The following LTBP1 variants were observed in gnomAD, a reference collection of about 807,000 sequenced individuals.
The protein encoded by LTBP1 is latent-transforming growth factor beta-binding protein 1.
In LTBP1, 129 loss-of-function variants were observed where a neutral mutation model predicts 207.6. The observed-to-expected ratio is 0.62, with a 90% CI of 0.54 to 0.72. The LOEUF is 0.72. Ranked by LOEUF, LTBP1 falls within the 30% of genes least tolerant of loss-of-function variation. The pLI is 0.00. For synonymous variants in LTBP1, 963 were observed against 833.7 expected (o/e 1.16, Z -2.67); for missense variants, 2,281 against 2,217.2 (o/e 1.03, Z -0.58).
intron 31 of LTBP1, among the ~76,000 whole-genome samples, chr2:33,385,555 G>A (rs997889323): frequency 6.6e-6 from 1 of 152,174 alleles, no homozygotes; most frequent in African/African-American, 2.4e-5. Context: ...TAACACAGAT[G>A]TAGTCAAACA....
chr2:32,978,450 A>G (rs1682180541), intron 2 of LTBP1, among the ~76,000 whole-genome samples: 1 of 152,284 alleles, frequency 6.6e-6, no homozygotes, highest in Admixed American at 6.5e-5. Context: ...TTCAGCACCA[A>G]TTGAAATGAT....
chr2:33,346,161 T>C (rs1231581404), intron 25 of LTBP1, among the ~76,000 whole-genome samples: 1 of 152,226 alleles, frequency 6.6e-6, no homozygotes, highest in Non-Finnish European at 1.5e-5. Flanking sequence ...GATTAGTTAT[T>C]GGACCAATTT....
At chr2:33,084,534 C>T (rs148408031) in intron 3 of LTBP1, among the ~76,000 whole-genome samples, 1 of 152,178 alleles carries the variant, frequency 6.6e-6, no homozygotes, top group East Asian at 1.9e-4. Context: ...AGCCTGCAGG[C>T]AAGTGGATCA....
chr2:33,335,982 G>A, intron 24 of LTBP1, among the ~76,000 whole-genome samples: 1 of 152,066 alleles, frequency 6.6e-6, no homozygotes, highest in Admixed American at 6.5e-5. Context: ...CTAAGTCCTG[G>A]GACCTCCTGA....
chr2:32,959,787 A>G (rs943150073), intron 2 of LTBP1, among the ~76,000 whole-genome samples: 1 of 150,766 alleles, frequency 6.6e-6, no homozygotes, highest in African/African-American at 2.4e-5. Context: ...CACCTGGCTA[A>G]TTTTTATATT....
chr2:33,103,632 T>TGTGTGTGTGTGTGTGTGTG (rs200334066), intron 3 of LTBP1, among the ~76,000 whole-genome samples: 2 of 149,402 alleles, frequency 1.3e-5, no homozygotes, highest in African/African-American at 4.9e-5. Flanking sequence ...TGTGTGAGTG[T>TGTGTGTGTGTGTGTGTGTG]TATGCTGCCA....
intron 3 of LTBP1, among the ~76,000 whole-genome samples, chr2:33,077,295 C>CTGAT: frequency 6.6e-6 from 1 of 152,314 alleles, no homozygotes; most frequent in East Asian, 1.9e-4. Flanking sequence ...TCTCCATTTA[C>CTGAT]TGATTTGCTT....
intron 9 of LTBP1, among the ~76,000 whole-genome samples, chr2:33,227,961 T>A (rs11693247): frequency 0.022 from 3,307 of 151,978 alleles, 56 homozygotes; most frequent in Non-Finnish European, 0.035. Context: ...CGCACCACCA[T>A]GCCTGGCTAC....
At chr2:33,156,122 C>T (rs1430057112) in intron 5 of LTBP1, among the ~76,000 whole-genome samples, 5 of 152,248 alleles carry the variant, frequency 3.3e-5, no homozygotes, top group East Asian at 1.9e-4. Flanking sequence ...CAGAGCCCTG[C>T]GTGATCAGGA....
intron 4 of LTBP1, among the ~76,000 whole-genome samples, chr2:33,121,060 G>A (rs59196419): frequency 6.7e-6 from 1 of 150,366 alleles, no homozygotes; most frequent in African/African-American, 2.4e-5. Flanking sequence ...TTTCTCATTA[G>A]ATCCACTTTC....
At chr2:33,370,589 A>G (rs2095055928) in intron 31 of LTBP1, among the ~76,000 whole-genome samples, 1 of 152,208 alleles carries the variant, frequency 6.6e-6, no homozygotes, top group South Asian at 2.1e-4. Context: ...GCTGGTAGTT[A>G]TCTATCATAA....
At chr2:33,286,139 C>T (rs1014050794) in intron 19 of LTBP1, among the ~76,000 whole-genome samples, 2 of 152,134 alleles carry the variant, frequency 1.3e-5, no homozygotes, top group Admixed American at 6.6e-5. Context: ...ACTTGAGACC[C>T]GGTAACACAA....
At chr2:33,157,289 G>A (rs1319477016) in intron 5 of LTBP1, among the ~76,000 whole-genome samples, 1 of 152,086 alleles carries the variant, frequency 6.6e-6, no homozygotes, top group Non-Finnish European at 1.5e-5. Flanking sequence ...TTTGAAGGCT[G>A]TAAGCAGTTA....
intron 2 of LTBP1, among the ~76,000 whole-genome samples, chr2:33,002,477 A>G (rs182005459): frequency 1.3e-5 from 2 of 152,290 alleles, no homozygotes; most frequent in African/African-American, 4.8e-5. Flanking sequence ...GCTGCTAGGC[A>G]TTGTCTGGGA....
intron 7 of LTBP1, among the ~76,000 whole-genome samples, chr2:33,215,587 G>A (rs1197008658): frequency 3.3e-5 from 5 of 152,102 alleles, no homozygotes; most frequent in Admixed American, 6.6e-5. Context: ...TGCCCCTGGA[G>A]GCCTGCCAGG....
chr2:33,140,213 G>A (rs2082524380), intron 5 of LTBP1, among the ~76,000 whole-genome samples: 1 of 152,140 alleles, frequency 6.6e-6, no homozygotes. Flanking sequence ...GACTGTGTAG[G>A]TTCTCCTCAC....
At position 33,396,489 on chromosome 2, in the gene LTBP1, T is replaced by C. The variant is rs529144485; in HGVS notation, c.4835-644T>C. ...TGCCCGCCTCAGCCTCCCAAAGTGC[T>C]GGGATTATAGGCATGAGCCCAGACT... is the stretch of plus-strand genomic sequence containing the variant. On this transcript the variant is annotated intron_variant, in intron 32 of 33. Transcript: ENST00000404816. Among the ~76,000 whole-genome samples the C allele has an allele frequency of 1.6e-4, 25 of 152,366 alleles. No homozygotes were observed. The South Asian group carries it at 2.9e-3, about 18-fold the overall frequency.
At chr2:33,175,126 G>A (rs1478665668) in intron 5 of LTBP1, among the ~76,000 whole-genome samples, 1 of 151,750 alleles carries the variant, frequency 6.6e-6, no homozygotes, top group Non-Finnish European at 1.5e-5. Flanking sequence ...AACACCAAAA[G>A]CAATGGCAAC....
chr2:33,335,621 C>T (rs765098483), intron 24 of LTBP1, among the ~76,000 whole-genome samples: 19 of 152,130 alleles, frequency 1.2e-4, no homozygotes, highest in African/African-American at 2.9e-4. Flanking sequence ...GCTCATCTTC[C>T]GCTTAATGCT....
Sources: allele counts gnomAD v4.1 joint callset (sites outside exome capture counted in the v4.1 genomes callset), GRCh38; gene constraint gnomAD v4.1.1; transcripts MANE v1.5; gene names NCBI Gene and HGNC (gene_info 2026-07-23, HGNC 2026-07-21).